AP3S2: variants seen among roughly 807,000 people sequenced by gnomAD.
The protein encoded by AP3S2 is adaptor related protein complex 3 subunit sigma 2, also known as AP-3 complex subunit sigma-2.
A neutral mutation model predicts 23.4 loss-of-function variants in AP3S2; 22 were observed. The observed-to-expected ratio is 0.94, with a 90% CI of 0.67 to 1.34. The LOEUF (loss-of-function observed/expected upper bound fraction) is 1.34, where lower values mean the gene tolerates loss of function less well. Ranked by LOEUF, AP3S2 falls within the 40% of genes most tolerant of loss-of-function variation. AP3S2 has a pLI of 0.00. For missense variants in AP3S2, 241 were observed against 236.9 expected (o/e 1.02, Z -0.11); for synonymous variants, 86 against 87.1 (o/e 0.99, Z 0.07).
chr15:89,835,616 C>T lies in AP3S2; in HGVS notation c.481G>A (p.Ala161Thr), dbSNP rs745335818. 5 of 1,612,634 alleles carry T rather than the reference C, an allele frequency of 3.1e-6. No individual in the cohort carries two copies. Among genetic ancestry groups the T allele is most frequent in the Non-Finnish European group, 4.2e-6 (5 of 1,179,852 alleles). ...TTGATGTTTTTCACAGCAGACACAGCCCGCGCAGGGGCTGCTGAAAGGCCA... is the reference window on the plus strand; with the variant it reads ...TTGATGTTTTTCACAGCAGACACAGTCCGCGCAGGGGCTGCTGAAAGGCCA... ...EGGLSAAPAR[A>T]VSAVKNINLP... Residue 161 changes from alanine (A) to threonine (T), a missense_variant, in exon 6 of 6, where the codon GCT (alanine) becomes ACT (threonine). Ala to Thr is a moderately conservative substitution (Grantham distance 58). Transcript: ENST00000336418.
chr15:89,884,252 T>C (rs1896640875), intron 3 of AP3S2, among the ~76,000 whole-genome samples: 1 of 152,212 alleles, frequency 6.6e-6, no homozygotes, highest in African/African-American at 2.4e-5. Flanking sequence ...TTTTTCTTAC[T>C]GCTATAATAG....
chr15:89,877,015 A>C (rs1255513620), intron 3 of AP3S2: 2 of 276,008 alleles, frequency 7.2e-6, no homozygotes, highest in Non-Finnish European at 1.4e-5. Flanking sequence ...AAAAAAGTCA[A>C]GGCAAGAAAA....
intron 4 of AP3S2, among the ~76,000 whole-genome samples, chr15:89,839,260 T>C (rs1267777189): frequency 1.3e-5 from 2 of 152,206 alleles, no homozygotes; most frequent in East Asian, 1.9e-4. Flanking sequence ...TTCTCTGGCA[T>C]TGGCTCCCTG....
chr15:89,857,393 A>G (rs1354905181), intron 4 of AP3S2, among the ~76,000 whole-genome samples: 1 of 139,284 alleles, frequency 7.2e-6, no homozygotes, highest in Non-Finnish European at 1.5e-5. Flanking sequence ...TTTGGTAATC[A>G]GAGAAAAGAC....
At chr15:89,891,653 C>CG (rs1457123973) in intron 1 of AP3S2, among the ~76,000 whole-genome samples, 8 of 146,434 alleles carry the variant, frequency 5.5e-5, no homozygotes, top group Non-Finnish European at 9.0e-5. Flanking sequence ...GATTCAGTCT[C>CG]GGAGGGAAAA....
chr15:89,864,159 C>G (rs1372164276), intron 4 of AP3S2, among the ~76,000 whole-genome samples: 1 of 152,186 alleles, frequency 6.6e-6, no homozygotes, highest in African/African-American at 2.4e-5. Flanking sequence ...CTTTATGGAA[C>G]TTATCTGAAG....
At chr15:89,835,685 G>A in intron 5 of AP3S2, 42 bp from the exon 6 acceptor site, 1 of 915,240 alleles carries the variant, frequency 1.1e-6, no homozygotes, top group Non-Finnish European at 1.6e-6. Flanking sequence ...AATTCTCACT[G>A]TTATCTGCTT....
intron 4 of AP3S2, among the ~76,000 whole-genome samples, chr15:89,840,741 T>C (rs985876681): frequency 2.0e-5 from 3 of 152,234 alleles, no homozygotes; most frequent in African/African-American, 7.2e-5. Flanking sequence ...CTTCACTTTA[T>C]ATATGAAGAA....
Position 89,859,399 on chromosome 15 carries a change from C to CTTT in AP3S2, c.345+12073_345+12075dup, listed in dbSNP as rs58123055. On this transcript the variant is annotated intron_variant, in intron 4 of 5. Coordinates refer to ENST00000336418, the MANE Select transcript of AP3S2 (RefSeq NM_005829.5). Reference sequence around the variant, plus strand: ...CTTCCTTCCTTCCTTTTCTTTCTTTCTTTTTTTTTTTTGAGATGGAGTCCT... The same window carrying CTTT: ...CTTCCTTCCTTCCTTTTCTTTCTTTCTTTTTTTTTTTTTTTGAGATGGAGTCCT... Among the ~76,000 whole-genome samples the CTTT allele has an allele frequency of 9.3e-4, 110 of 118,030 alleles. 16 individuals carry two copies. Among genetic ancestry groups the CTTT allele is most frequent in the East Asian group, 2.6e-3 (11 of 4,182 alleles). The allele number at this position is 118,030 out of a possible 152,430, so 77.4% of individuals were successfully genotyped here.
chr15:89,884,266 A>T (rs1896641340), intron 3 of AP3S2, among the ~76,000 whole-genome samples: 1 of 152,206 alleles, frequency 6.6e-6, no homozygotes, highest in Non-Finnish European at 1.5e-5. Flanking sequence ...ATAATAGACT[A>T]TTAATTTTTC....
At chr15:89,850,994 A>C (rs1162768822) in intron 4 of AP3S2, among the ~76,000 whole-genome samples, 6 of 151,860 alleles carry the variant, frequency 4.0e-5, no homozygotes, top group Admixed American at 3.3e-4. Flanking sequence ...GGATTACAGC[A>C]CCTGGCCGAT....
At chr15:89,876,147 G>A (rs1896437908) in intron 3 of AP3S2, among the ~76,000 whole-genome samples, 2 of 152,238 alleles carry the variant, frequency 1.3e-5, no homozygotes, top group South Asian at 4.1e-4. Context: ...GCTGGACATG[G>A]TGCTTCACAC....
chr15:89,888,744 T>C, intron 2 of AP3S2, 112 bp from the exon 3 acceptor site: 1 of 1,190,850 alleles, frequency 8.4e-7, no homozygotes, highest in Non-Finnish European at 1.2e-6. Flanking sequence ...GGCCAAACGC[T>C]AGAAGCAGGC....
At chr15:89,860,304 T>C (rs1002282923) in intron 4 of AP3S2, among the ~76,000 whole-genome samples, 3 of 152,136 alleles carry the variant, frequency 2.0e-5, no homozygotes, top group Admixed American at 6.5e-5. Flanking sequence ...TAACTAATAA[T>C]AAAAACAATT....
At chr15:89,876,315 A>T (rs1227381197) in intron 3 of AP3S2, among the ~76,000 whole-genome samples, 2 of 152,174 alleles carry the variant, frequency 1.3e-5, no homozygotes, top group East Asian at 3.9e-4. Context: ...GCTACTTGGG[A>T]GGCTGAGGCA....
Position 89,879,693 on chromosome 15 carries a change from C to A in AP3S2, c.274-8147G>T, listed in dbSNP as rs188226012. ...CAATCTCGGCTCTTTGCAACCTCCA[C>A]CTCCTGGGTTCAAGTGATTTTCCTG... On this transcript the variant is annotated intron_variant, in intron 3 of 5. Coordinates refer to ENST00000336418, the MANE Select transcript of AP3S2 (RefSeq NM_005829.5). Among the ~76,000 whole-genome samples, 12 of 152,194 alleles carry A rather than the reference C, an allele frequency of 7.9e-5. No homozygotes were observed. The East Asian group carries it at 2.3e-3, about 30-fold the overall frequency.
chr15:89,861,230 G>T (rs72756557), intron 4 of AP3S2, among the ~76,000 whole-genome samples: 8 of 152,134 alleles, frequency 5.3e-5, no homozygotes, highest in Non-Finnish European at 1.0e-4. Context: ...ATACTATGAG[G>T]TTTTCTTGGG....
At chr15:89,886,823 C>G (rs902719323) in intron 3 of AP3S2, among the ~76,000 whole-genome samples, 3 of 152,110 alleles carry the variant, frequency 2.0e-5, no homozygotes, top group African/African-American at 7.2e-5. Context: ...GAGACAGGGT[C>G]TCACTCTGTT....
intron 3 of AP3S2, among the ~76,000 whole-genome samples, chr15:89,872,074 G>C (rs530338545): frequency 4.0e-5 from 6 of 148,724 alleles, no homozygotes; most frequent in Admixed American, 2.7e-4. Flanking sequence ...AGCAGAGATC[G>C]CACCACTGCA....
Sources: gnomAD v4.1 joint callset for allele counts (sites outside exome capture counted in the v4.1 genomes callset) on GRCh38, gnomAD v4.1.1 for gene constraint, MANE v1.5 for transcripts, NCBI Gene and HGNC (gene_info 2026-07-23, HGNC 2026-07-21) for gene names.